The following ITSN1 variants were observed in gnomAD, a reference collection of about 807,000 sequenced individuals.
The protein encoded by ITSN1 is intersectin 1, also known as intersectin-1.
A neutral mutation model predicts 239.8 loss-of-function variants in ITSN1; 58 were observed. The observed-to-expected ratio is 0.24, with a 90% CI of 0.20 to 0.30. The LOEUF is 0.30. Among genes scored for constraint, ITSN1 ranks in the 10% least tolerant of loss-of-function variants. The pLI is 1.00. For missense variants in ITSN1, 1,558 were observed against 2,103.3 expected, an observed-to-expected ratio of 0.74 and a Z score of 5.07; for synonymous variants, 780 against 770.8, an observed-to-expected ratio of 1.01 and a Z score of -0.20.
At chr21:33,720,877 A>G (rs908320141) in intron 2 of ITSN1, among the ~76,000 whole-genome samples, 1 of 152,162 alleles carries the variant, frequency 6.6e-6, no homozygotes, top group Non-Finnish European at 1.5e-5. Flanking sequence ...TATGTAAGTA[A>G]ATTATTAATT....
intron 1 of ITSN1, among the ~76,000 whole-genome samples, chr21:33,653,546 A>G (rs1387505216): frequency 1.3e-5 from 2 of 151,816 alleles, no homozygotes; most frequent in Admixed American, 1.3e-4. Flanking sequence ...TTTTTGAGAC[A>G]GAGTCTCGCT....
Position 33,836,568 on chromosome 21 carries a change from A to G in ITSN1, c.3597A>G (p.Gly1199=). The change falls in exon 29 of 40, where the codon GGA becomes GGG. Residue 1199 remains glycine, a synonymous_variant. Transcript: ENST00000381318. ...ACTGGTGGAAAGGAGAAGTCAATGG[A>G]CAAGTGGGGCTCTTCCCATCCAATT... ...DPDWWKGEVN[G]QVGLFPSNYV... 6.2e-7 allele frequency: 1 copy of G among 1,614,184 alleles called. No individual in the cohort carries two copies. The highest frequency in any genetic ancestry group is 8.5e-7 in the Non-Finnish European group (1 of 1,180,024).
At chr21:33,747,951 TTTC>T (rs1323655734) in intron 5 of ITSN1, among the ~76,000 whole-genome samples, 3 of 152,202 alleles carry the variant, frequency 2.0e-5, no homozygotes, top group South Asian at 2.1e-4. Flanking sequence ...TAAATCTATT[TTTC>T]TTCTTTTCTC....
intron 39 of ITSN1, among the ~76,000 whole-genome samples, chr21:33,887,447 TTAG>T (rs1985970116): frequency 6.6e-6 from 1 of 152,188 alleles, no homozygotes. Flanking sequence ...CCTTCATCTT[TTAG>T]TACTTTTTAT....
rs913637344 is a variant in ITSN1 at position 33,898,706 on chromosome 21, C to T, written c.*10406C>T. The T allele has an allele frequency of 7.2e-5, 11 of 152,356 alleles. No homozygotes were observed. The highest frequency in any genetic ancestry group is 2.4e-4 in the African/African-American group (10 of 41,568). 9.4% of individuals were successfully genotyped at this position (152,356 alleles called of 1,614,324 possible). On this transcript the variant is annotated 3_prime_UTR_variant, in exon 40 of 40. Transcript: ENST00000381318. ...ACACCGCTGGTGGAAGGTTGAGGGC[C>T]TGTGGTCTGAAAAGACATCTGAAGA...
At chr21:33,757,314 C>T (rs2067996474) in intron 8 of ITSN1, among the ~76,000 whole-genome samples, 2 of 151,648 alleles carry the variant, frequency 1.3e-5, no homozygotes, top group Admixed American at 6.6e-5. Context: ...ATATAATGAC[C>T]CAGGCACTTG....
At chr21:33,802,341 T>C in intron 19 of ITSN1, 89 bp from the exon 20 acceptor site, 1 of 1,295,106 alleles carries the variant, frequency 7.7e-7, no homozygotes, top group East Asian at 2.4e-5. Flanking sequence ...CTTGATGAGA[T>C]GCGTAGAGTT....
At position 33,888,178 on chromosome 21, in the gene ITSN1, G is replaced by A. The variant is rs569760339; in HGVS notation, c.5044G>A (p.Val1682Met). The change falls in exon 40 of 40, where the codon GTG becomes ATG. Residue 1682 changes from valine (V) to methionine (M), a missense_variant. By Grantham distance (21) the Val-to-Met change is conservative (BLOSUM62 1). This residue lies in a region of ITSN1 where 576 missense variants were observed against 893.3 expected (regional missense o/e 0.64). Coordinates refer to ENST00000381318, the MANE Select transcript of ITSN1 (RefSeq NM_003024.3). ...DDFLGRTEIR[V>M]ADIKKDQGSK... ...TTTTTTGGGTCGGACGGAGATCCGT[G>A]TGGCGGACATCAAGAAAGACCAGGG... The A allele has an allele frequency of 1.5e-5, 25 of 1,614,094 alleles. No homozygotes were observed. In the East Asian group the frequency reaches 2.7e-4, roughly 17 times the overall value.
chr21:33,706,549 G>T (rs1031817538), intron 1 of ITSN1, among the ~76,000 whole-genome samples: 6 of 150,450 alleles, frequency 4.0e-5, no homozygotes, highest in African/African-American at 1.2e-4. Flanking sequence ...AAGCATTTTG[G>T]ATTCAACATA....
At chr21:33,685,578 TCCTAG>T (rs2091198562) in intron 1 of ITSN1, among the ~76,000 whole-genome samples, 2 of 151,364 alleles carry the variant, frequency 1.3e-5, no homozygotes, top group African/African-American at 4.9e-5. Context: ...TGATCCTTTT[TCCTAG>T]CCATCAGTGG....
intron 8 of ITSN1, 85 bp from the exon 9 acceptor site, chr21:33,761,838 A>G: frequency 1.1e-6 from 1 of 908,734 alleles, no homozygotes; most frequent in Non-Finnish European, 1.9e-6. Context: ...GTCATGGAGT[A>G]GTCCACATAC....
chr21:33,816,863 T>C (rs747322849), intron 22 of ITSN1, among the ~76,000 whole-genome samples: 2 of 151,996 alleles, frequency 1.3e-5, no homozygotes, highest in Non-Finnish European at 2.9e-5. Context: ...CTGAGGGACT[T>C]GAAGGAGTGA....
intron 2 of ITSN1, 89 bp downstream of exon 2, chr21:33,718,945 G>A (rs13046579): frequency 2.0e-6 from 2 of 1,023,452 alleles, no homozygotes; most frequent in East Asian, 2.4e-5. Flanking sequence ...TTAAAAAGTA[G>A]AGAAAATAAT....
At chr21:33,677,583 A>T (rs979879225) in intron 1 of ITSN1, among the ~76,000 whole-genome samples, 6 of 151,906 alleles carry the variant, frequency 3.9e-5, no homozygotes, top group African/African-American at 9.7e-5. Context: ...CAAGTGATCC[A>T]CCCGCCTAGG....
intron 9 of ITSN1, among the ~76,000 whole-genome samples, chr21:33,765,048 T>C (rs564244292): frequency 6.6e-6 from 1 of 152,336 alleles, no homozygotes; most frequent in Non-Finnish European, 1.5e-5. Flanking sequence ...GTGAAGAAAG[T>C]TTTTATCGTA....
chr21:33,728,414 G>A (rs2065959439), intron 4 of ITSN1, among the ~76,000 whole-genome samples: 1 of 151,884 alleles, frequency 6.6e-6, no homozygotes, highest in South Asian at 2.1e-4. Context: ...TGTATTTTTA[G>A]TAGCAGGGTT....
intron 25 of ITSN1, among the ~76,000 whole-genome samples, chr21:33,824,499 C>T (rs2073872032): frequency 6.6e-6 from 1 of 151,950 alleles, no homozygotes; most frequent in African/African-American, 2.4e-5. Flanking sequence ...CTCCTCATAC[C>T]TCCTAGGTAC....
At chr21:33,811,286 C>T in intron 21 of ITSN1, 64 bp downstream of exon 21, 2 of 1,462,336 alleles carry the variant, frequency 1.4e-6, no homozygotes, top group Non-Finnish European at 1.8e-6. Flanking sequence ...TCCCCCCCAC[C>T]CCCTTAAGTA....
In ITSN1 at chr21:33,750,135, C is replaced by G; in HGVS notation, c.347-8C>G. ...TGTGAATGGTGTTGAGCTGTTTTTTCTTCATAGGTATGGGAGGTATCGCCA... is the reference window on the plus strand; with the variant it reads ...TGTGAATGGTGTTGAGCTGTTTTTTGTTCATAGGTATGGGAGGTATCGCCA... On this transcript the variant is annotated splice_region_variant and splice_polypyrimidine_tract_variant and intron_variant, in intron 5 of 39. Coordinates refer to ENST00000381318, the MANE Select transcript of ITSN1 (RefSeq NM_003024.3). 1 of 1,613,308 alleles carries G rather than the reference C, an allele frequency of 6.2e-7. No homozygotes were observed. The highest frequency in any genetic ancestry group is 8.5e-7 in the Non-Finnish European group (1 of 1,179,592).
Sources: allele counts gnomAD v4.1 joint callset (sites outside exome capture counted in the v4.1 genomes callset), GRCh38; gene constraint gnomAD v4.1.1; regional missense constraint gnomAD v4.1.1; transcripts MANE v1.5; gene names NCBI Gene and HGNC (gene_info 2026-07-23, HGNC 2026-07-21).